The following PLCL2 variants were observed in gnomAD, a reference collection of about 807,000 sequenced individuals.
PLCL2 encodes the protein inactive phospholipase C-like protein 2.
Under a neutral mutation model 79.6 loss-of-function variants are expected in PLCL2, and 4 were observed. The observed-to-expected ratio is 0.05, with a 90% CI of 0.02 to 0.11. The LOEUF (loss-of-function observed/expected upper bound fraction) is 0.11, where lower values mean the gene tolerates loss of function less well. Ranked by LOEUF, PLCL2 falls within the 10% of genes least tolerant of loss-of-function variation. The pLI, the probability that PLCL2 is intolerant of heterozygous loss-of-function variation, is 1.00. For synonymous variants in PLCL2, 484 were observed against 457.7 expected (o/e 1.06, Z -0.73); for missense variants, 895 against 1,291.0 (o/e 0.69, Z 4.70).
At chr3:16,966,380 G>T (rs1264926837) in intron 1 of PLCL2, among the ~76,000 whole-genome samples, 1 of 152,086 alleles carries the variant, frequency 6.6e-6, no homozygotes, top group Non-Finnish European at 1.5e-5. Flanking sequence ...ACTTGATCAT[G>T]GTGGATAAGC....
At chr3:17,019,562 A>G (rs543215689) in intron 3 of PLCL2, among the ~76,000 whole-genome samples, 7 of 152,258 alleles carry the variant, frequency 4.6e-5, no homozygotes, top group African/African-American at 1.4e-4. Context: ...AGTAACTGTA[A>G]TAATAATAAT....
In PLCL2 at chr3:17,012,110, A is replaced by T. The variant is rs2064332427; in HGVS notation, c.2764A>T (p.Asn922Tyr). The T allele has an allele frequency of 6.2e-7, 1 of 1,614,212 alleles. No individual in the cohort carries two copies. Among genetic ancestry groups the T allele is most frequent in the Non-Finnish European group, 8.5e-7 (1 of 1,180,018 alleles). Residue 922 changes from asparagine to tyrosine, a missense_variant, in exon 2 of 6, where the codon AAT becomes TAT. By Grantham distance (143) the Asn-to-Tyr change is moderately radical. Around this residue, in one of 6 missense-constraint regions of PLCL2, gnomAD observed 298 missense variants for 459.6 expected, o/e 0.65. Coordinates refer to ENST00000615277, the MANE Select transcript of PLCL2 (RefSeq NM_001144382.2). ...WIKTVDEVFK[N>Y]AQPPIRDATD... is the part of the protein sequence containing the mutation. ...TAAAACCGTGGATGAGGTATTCAAG[A>T]ATGCCCAGCCCCCTATACGGGATGC...
chr3:17,088,118 A>G (rs2065239574), intron 5 of PLCL2, among the ~76,000 whole-genome samples: 2 of 152,242 alleles, frequency 1.3e-5, no homozygotes, highest in Admixed American at 1.3e-4. Context: ...AAAACCATGC[A>G]TGGTAAGTGG....
At chr3:17,031,492 G>A (rs1354142138) in intron 3 of PLCL2, among the ~76,000 whole-genome samples, 2 of 152,196 alleles carry the variant, frequency 1.3e-5, no homozygotes, top group Non-Finnish European at 2.9e-5. Context: ...GATGGGATAA[G>A]GATGTCGTGT....
chr3:17,021,690 T>C (rs78195630), intron 3 of PLCL2, among the ~76,000 whole-genome samples: 4,306 of 152,106 alleles, frequency 0.028, 219 homozygotes, highest in African/African-American at 0.1. Context: ...GATGGCAGTC[T>C]GCTTGAAAGA....
intron 4 of PLCL2, among the ~76,000 whole-genome samples, chr3:17,054,374 C>G (rs2064873049): frequency 6.6e-6 from 1 of 152,158 alleles, no homozygotes; most frequent in Non-Finnish European, 1.5e-5. Context: ...CTAGGAAGTT[C>G]CAAACTTTCC....
intron 1 of PLCL2, among the ~76,000 whole-genome samples, chr3:16,982,052 G>A (rs2064004248): frequency 6.6e-6 from 1 of 152,092 alleles, no homozygotes; most frequent in African/African-American, 2.4e-5. Flanking sequence ...TTAATAGTTT[G>A]ATTTCTATGG....
chr3:17,052,813 C>T (rs1382467804), intron 4 of PLCL2, among the ~76,000 whole-genome samples: 2 of 152,094 alleles, frequency 1.3e-5, no homozygotes, highest in African/African-American at 4.8e-5. Context: ...TTCTCTTCCT[C>T]GTGATTTTCT....
chr3:17,006,475 TCA>T (rs2064261363), intron 1 of PLCL2, among the ~76,000 whole-genome samples: 1 of 152,224 alleles, frequency 6.6e-6, no homozygotes, highest in Non-Finnish European at 1.5e-5. Flanking sequence ...GAGTGCAAGC[TCA>T]CATCTGTTCT....
intron 1 of PLCL2, among the ~76,000 whole-genome samples, chr3:16,947,036 G>A (rs1011552917): frequency 7.4e-6 from 1 of 135,844 alleles, no homozygotes; most frequent in African/African-American, 2.8e-5. Context: ...GCTCACTGCA[G>A]CCTCGACCCC....
intron 4 of PLCL2, among the ~76,000 whole-genome samples, chr3:17,062,767 G>T (rs1270984000): frequency 6.6e-6 from 1 of 152,140 alleles, no homozygotes; most frequent in African/African-American, 2.4e-5. Context: ...TTGGAAACAT[G>T]CAGGGAATGG....
At chr3:17,047,300 C>G (rs1353447748) in intron 4 of PLCL2, among the ~76,000 whole-genome samples, 1 of 152,184 alleles carries the variant, frequency 6.6e-6, no homozygotes, top group Non-Finnish European at 1.5e-5. Context: ...GCAAAGAGCC[C>G]GCATAGGACA....
intron 4 of PLCL2, among the ~76,000 whole-genome samples, chr3:17,052,719 C>G (rs563476119): frequency 6.6e-6 from 1 of 152,314 alleles, no homozygotes; most frequent in Admixed American, 6.5e-5. Context: ...CTCCTTCCTT[C>G]TCCTTAGCCT....
At chr3:17,045,706 C>T (rs1354307344) in intron 4 of PLCL2, among the ~76,000 whole-genome samples, 4 of 152,140 alleles carry the variant, frequency 2.6e-5, no homozygotes, top group East Asian at 3.9e-4. Flanking sequence ...AGTATATAAA[C>T]GACCCAGTGA....
intron 1 of PLCL2, among the ~76,000 whole-genome samples, chr3:16,986,272 A>G (rs958523517): frequency 6.6e-6 from 1 of 152,114 alleles, no homozygotes; most frequent in African/African-American, 2.4e-5. Context: ...GGGTTCACAC[A>G]AGGTAATGCA....
chr3:16,959,871 C>T (rs147460032), intron 1 of PLCL2, among the ~76,000 whole-genome samples: 76 of 152,186 alleles, frequency 5.0e-4, no homozygotes, highest in African/African-American at 1.2e-3. Flanking sequence ...TTTGGTAGGC[C>T]GAGGCAGGCG....
intron 1 of PLCL2, among the ~76,000 whole-genome samples, chr3:16,920,493 T>C (rs1398714731): frequency 6.6e-6 from 1 of 152,132 alleles, no homozygotes; most frequent in East Asian, 1.9e-4. Flanking sequence ...TTATTGAGAA[T>C]CTGAACTGGA....
chr3:16,992,364 G>A (rs911888946), intron 1 of PLCL2, among the ~76,000 whole-genome samples: 3 of 152,030 alleles, frequency 2.0e-5, no homozygotes, highest in Non-Finnish European at 4.4e-5. Flanking sequence ...TCTAACATCC[G>A]CCTTCTACCA....
chr3:16,977,483 T>G (rs1369017288), intron 1 of PLCL2, among the ~76,000 whole-genome samples: 1 of 152,184 alleles, frequency 6.6e-6, no homozygotes, highest in Non-Finnish European at 1.5e-5. Context: ...TTTAATCCAT[T>G]CAGATCTATT....
Sources: allele counts gnomAD v4.1 joint callset (sites outside exome capture counted in the v4.1 genomes callset), GRCh38; gene constraint gnomAD v4.1.1; regional missense constraint gnomAD v4.1.1; transcripts MANE v1.5; gene names NCBI Gene and HGNC (gene_info 2026-07-23, HGNC 2026-07-21).